The following TMEM33 variants were observed in gnomAD, a reference collection of about 807,000 sequenced individuals.
The protein encoded by TMEM33 is transmembrane protein 33.
TMEM33 carries 16 observed loss-of-function variants against 29.7 expected under a neutral mutation model. The observed-to-expected ratio is 0.54, with a 90% confidence interval of 0.36 to 0.82. The LOEUF is 0.82. TMEM33 is among the 40% of genes least tolerant of loss of function. TMEM33 has a pLI of 0.00. For missense variants in TMEM33, 252 were observed against 295.3 expected (o/e 0.85, Z 1.08); for synonymous variants, 112 against 109.4 (o/e 1.02, Z -0.15).
chr4:41,940,182 T>G (rs1484525998), intron 3 of TMEM33, among the ~76,000 whole-genome samples: 3 of 151,550 alleles, frequency 2.0e-5, no homozygotes, highest in Admixed American at 6.6e-5. Context: ...TAAATAGGGT[T>G]CTTTACTATA....
rs746297087 is a variant in TMEM33, at chr4:41,939,185, G to A, written c.141-11G>A. ...ATGTCTCATGATAACCTCTCCTCTGGTAATTTGCAGGTTGCATGAAGCAGC... is the reference window on the plus strand; with the variant it reads ...ATGTCTCATGATAACCTCTCCTCTGATAATTTGCAGGTTGCATGAAGCAGC... On this transcript the variant is annotated splice_polypyrimidine_tract_variant and intron_variant, in intron 2 of 6. Transcript: ENST00000504986. 3.7e-5 allele frequency: 58 copies of A among 1,587,662 alleles called. No individual in the cohort carries two copies. Among genetic ancestry groups the A allele is most frequent in the South Asian group, 2.3e-5 (2 of 86,952 alleles).
chr4:41,954,190 A>C lies in TMEM33; in HGVS notation c.735A>C (p.Thr245=). The C allele has an allele frequency of 6.2e-7, 1 of 1,613,766 alleles. No individual in the cohort carries two copies. Among genetic ancestry groups the C allele is most frequent in the Non-Finnish European group, 8.5e-7 (1 of 1,179,734 alleles). ...SIAFISRLAP[T]VP is the part of the protein sequence containing the mutation. ...CCTTTATAAGCAGATTGGCACCAACAGTTCCATAGTTTAACATCTAGTTAA... is the reference window on the plus strand; with the variant it reads ...CCTTTATAAGCAGATTGGCACCAACCGTTCCATAGTTTAACATCTAGTTAA... The change falls in exon 7 of 7, where the codon ACA becomes ACC. Residue 245 remains threonine, a synonymous_variant. Coordinates refer to ENST00000504986, the MANE Select transcript of TMEM33 (RefSeq NM_018126.3).
chr4:41,954,958 T>A lies in TMEM33; in HGVS notation c.*759T>A, dbSNP rs1168677861. On this transcript the variant is annotated 3_prime_UTR_variant, in exon 7 of 7. Transcript: ENST00000504986. Reference sequence around the variant, plus strand: ...AAACATTTCTCAAACAGGAAATCCTTCTTTTACTAATGTGGACATATAGAT... The same window carrying A: ...AAACATTTCTCAAACAGGAAATCCTACTTTTACTAATGTGGACATATAGAT... 1 of 152,616 alleles carries A rather than the reference T, an allele frequency of 6.6e-6. No homozygotes were observed. Among genetic ancestry groups the A allele is most frequent in the Non-Finnish European group, 1.5e-5 (1 of 68,028 alleles). 9.5% of individuals were successfully genotyped at this position (152,616 alleles called of 1,614,324 possible).
Position 41,960,736 on chromosome 4 carries a change from T to G in TMEM33, c.*6537T>G, listed in dbSNP as rs1378237921. ...ATGATTTTGAGGTCTGATGTGAAACTGGTAAAAATGTGATCTAAGGTGTAA... is the reference window on the plus strand; with the variant it reads ...ATGATTTTGAGGTCTGATGTGAAACGGGTAAAAATGTGATCTAAGGTGTAA... On this transcript the variant is annotated 3_prime_UTR_variant, in exon 7 of 7. Coordinates refer to ENST00000504986, the MANE Select transcript of TMEM33 (RefSeq NM_018126.3). Among the ~76,000 whole-genome samples the G allele has an allele frequency of 6.6e-6, 1 of 152,062 alleles. No homozygotes were observed. Among genetic ancestry groups the G allele is most frequent in the African/African-American group, 2.4e-5 (1 of 41,416 alleles).
chr4:41,944,727 C>T, intron 4 of TMEM33, 66 bp from the exon 5 acceptor site: 5 of 1,570,430 alleles, frequency 3.2e-6, no homozygotes, highest in South Asian at 1.2e-5. Flanking sequence ...TGTTTACCTA[C>T]AGAAAGAAAA....
At chr4:41,950,505 A>G (rs2153127743) in intron 6 of TMEM33, among the ~76,000 whole-genome samples, 1 of 152,260 alleles carries the variant, frequency 6.6e-6, no homozygotes, top group Non-Finnish European at 1.5e-5. Context: ...GTAATATTTT[A>G]AAAGTACTTA....
rs775984978 is a variant in TMEM33 at position 41,935,468 on chromosome 4, C to T, written c.-17C>T. 3 of 1,605,234 alleles carry T rather than the reference C, an allele frequency of 1.9e-6. No homozygotes were observed. The highest frequency in any genetic ancestry group is 1.7e-6 in the Non-Finnish European group (2 of 1,175,864). ...CTCTTCGCGGTTGCGGCGTCGCAGACGCTAGTGTGAGCCCCCATGGCAGAT... is the reference window on the plus strand; with the variant it reads ...CTCTTCGCGGTTGCGGCGTCGCAGATGCTAGTGTGAGCCCCCATGGCAGAT... On this transcript the variant is annotated 5_prime_UTR_variant, in exon 1 of 7. The change creates a new upstream start codon in the 5' untranslated region. Coordinates refer to ENST00000504986, the MANE Select transcript of TMEM33 (RefSeq NM_018126.3).
rs576506168 is a variant in TMEM33 at position 41,941,139 on chromosome 4, A to G, written c.328+1756A>G. 2.6e-5 allele frequency among the ~76,000 whole-genome samples: 4 copies of G among 152,370 alleles called. 1 individual carries two copies. In the East Asian group the frequency reaches 7.7e-4, roughly 29 times the overall value. ...ACTGAGATAATGTGGGTAGTTTGAAATGTAAGGATAAAATTTTTCCTGTTT... is the reference window on the plus strand; with the variant it reads ...ACTGAGATAATGTGGGTAGTTTGAAGTGTAAGGATAAAATTTTTCCTGTTT... On this transcript the variant is annotated intron_variant, in intron 3 of 6. Coordinates refer to ENST00000504986, the MANE Select transcript of TMEM33 (RefSeq NM_018126.3).
At chr4:41,943,138 T>A (rs1712617260) in intron 3 of TMEM33, among the ~76,000 whole-genome samples, 1 of 152,206 alleles carries the variant, frequency 6.6e-6, no homozygotes, top group African/African-American at 2.4e-5. Context: ...TGGGGTGGCC[T>A]AGATTTCAGT....
chr4:41,947,592 G>A (rs1273839689), intron 5 of TMEM33, among the ~76,000 whole-genome samples: 1 of 152,148 alleles, frequency 6.6e-6, no homozygotes, highest in African/African-American at 2.4e-5. Flanking sequence ...TGTTTAAATA[G>A]AGAAATAATT....
At chr4:41,945,031 T>C (rs769527777) in intron 5 of TMEM33, 105 bp downstream of exon 5, 8 of 1,405,762 alleles carry the variant, frequency 5.7e-6, no homozygotes, top group African/African-American at 1.4e-5. Flanking sequence ...GGTATTGACA[T>C]GTAGAGCTAA....
chr4:41,941,592 T>A (rs990055114), intron 3 of TMEM33, among the ~76,000 whole-genome samples: 1 of 152,234 alleles, frequency 6.6e-6, no homozygotes, highest in Non-Finnish European at 1.5e-5. Flanking sequence ...TGCCTTTTTA[T>A]ACAGTTGGTT....
chr4:41,956,857 A>G lies in TMEM33; in HGVS notation c.*2658A>G, dbSNP rs770359224. The G allele has an allele frequency of 6.6e-6, 1 of 152,224 alleles. No homozygotes were observed. Among genetic ancestry groups the G allele is most frequent in the Non-Finnish European group, 1.5e-5 (1 of 68,010 alleles). 9.4% of individuals were successfully genotyped at this position (152,224 alleles called of 1,614,324 possible). A position where few individuals can be genotyped will look rare whatever the true frequency, so the allele number is the denominator to read the frequency against. On this transcript the variant is annotated 3_prime_UTR_variant, in exon 7 of 7. Coordinates refer to ENST00000504986, the MANE Select transcript of TMEM33 (RefSeq NM_018126.3). ...CTAGATGTTTAGTTTGCATGAACTC[A>G]TAGTTAGAAATTCTGCAATAGGAAT...
chr4:41,953,757 C>T (rs1713142895), intron 6 of TMEM33: 2 of 463,680 alleles, frequency 4.3e-6, no homozygotes, highest in East Asian at 6.6e-5. Context: ...TATATTTGTG[C>T]AGTTTGTGGT....
At chr4:41,951,066 T>G (rs1577654989) in intron 6 of TMEM33, among the ~76,000 whole-genome samples, 1 of 36,898 alleles carries the variant, frequency 2.7e-5, no homozygotes, top group Middle Eastern at 0.022. Context: ...GTACTACACT[T>G]TTTTTAATTA....
chr4:41,939,589 A>T, intron 3 of TMEM33: 1 of 623,346 alleles, frequency 1.6e-6, no homozygotes, highest in Non-Finnish European at 2.8e-6. Flanking sequence ...ATTTTAAACT[A>T]TCTTTGTTCT....
intron 2 of TMEM33, among the ~76,000 whole-genome samples, chr4:41,938,958 C>T (rs919062906): frequency 6.6e-6 from 1 of 152,006 alleles, no homozygotes; most frequent in African/African-American, 2.4e-5. Context: ...TTCATTTTTA[C>T]TTATTACTTG....
chr4:41,950,219 C>G (rs1712977979), intron 6 of TMEM33, among the ~76,000 whole-genome samples: 1 of 152,066 alleles, frequency 6.6e-6, no homozygotes, highest in East Asian at 1.9e-4. Context: ...TTAATATACA[C>G]TAAATTATGC....
intron 4 of TMEM33, among the ~76,000 whole-genome samples, chr4:41,944,573 A>G (rs1330059282): frequency 1.3e-5 from 2 of 152,218 alleles, no homozygotes; most frequent in African/African-American, 2.4e-5. Context: ...AATGAAAAGT[A>G]CTTTTACTAA....
Sources: allele counts gnomAD v4.1 joint callset (sites outside exome capture counted in the v4.1 genomes callset), GRCh38; gene constraint gnomAD v4.1.1; transcripts MANE v1.5; gene names NCBI Gene and HGNC (gene_info 2026-07-23, HGNC 2026-07-21).